The following GLRA2 variants were observed in gnomAD, a reference collection of about 807,000 sequenced individuals.
GLRA2 encodes glycine receptor alpha 2.
GLRA2 carries 11 observed loss-of-function variants against 31.6 expected under a neutral mutation model. The observed-to-expected ratio is 0.35, with a 90% CI of 0.22 to 0.58. The LOEUF (loss-of-function observed/expected upper bound fraction) is 0.58. GLRA2 is among the 20% of genes least tolerant of loss of function. GLRA2 has a pLI of 0.84. For missense variants in GLRA2, 212 were observed against 351.8 expected (o/e 0.60, Z 3.18); for synonymous variants, 132 against 134.0 (o/e 0.99, Z 0.10).
chrX:14,680,345 G>C lies in GLRA2; in HGVS notation c.931-10365G>C, dbSNP rs181389329. On this transcript the variant is annotated intron_variant, in intron 7 of 8. Transcript: ENST00000218075. ...GCCTTCAATGTAGTATGCTCTCAAT[G>C]TTTGTTTTTGTTTTTCTGAATTAAA... Among the ~76,000 whole-genome samples the C allele has an allele frequency of 3.6e-5, 3 of 83,431 alleles. No homozygotes were observed. In the East Asian group the frequency reaches 9.0e-4, roughly 25 times the overall value. 72.4% of individuals were successfully genotyped at this position (83,431 alleles called of 115,157 possible).
intron 7 of GLRA2, among the ~76,000 whole-genome samples, chrX:14,687,119 G>A (rs181675938): frequency 4.5e-5 from 5 of 112,201 alleles, no homozygotes; most frequent in African/African-American, 1.6e-4. Flanking sequence ...TTTAAGAATA[G>A]TGAATATTTT....
At chrX:14,459,607 T>C in the GLRA2 span, among the ~76,000 whole-genome samples, 3 of 111,642 alleles carry the variant, frequency 2.7e-5, no homozygotes, top group Non-Finnish European at 5.6e-5. Flanking sequence ...TAAGTTGGAT[T>C]CCTAGGTATT....
chrX:14,500,700 G>A, the GLRA2 span, among the ~76,000 whole-genome samples: 1 of 111,815 alleles, frequency 8.9e-6, no homozygotes, highest in Non-Finnish European at 1.9e-5. Flanking sequence ...AGGGAAGGGT[G>A]TCACAGATGT....
chrX:14,690,698 T>C lies in GLRA2; in HGVS notation c.931-12T>C. 1 of 1,132,927 alleles carries C rather than the reference T, an allele frequency of 8.8e-7. No individual in the cohort carries two copies. The highest frequency in any genetic ancestry group is 1.2e-6 in the Non-Finnish European group (1 of 824,221). The allele number at this position is 1,132,927 out of a possible 1,213,427, so 93.4% of individuals were successfully genotyped here. ...CTCTCTGTGTGTGTGTGTGTCTCTC[T>C]CTCTCTCTCAGGTCTCCTATGTAAA... is the stretch of plus-strand genomic sequence containing the variant. On this transcript the variant is annotated splice_polypyrimidine_tract_variant and intron_variant, in intron 7 of 8. Coordinates refer to ENST00000218075, the MANE Select transcript of GLRA2 (RefSeq NM_002063.4).
At chrX:14,462,868 T>C in the GLRA2 span, among the ~76,000 whole-genome samples, 1 of 111,850 alleles carries the variant, frequency 8.9e-6, no homozygotes, top group Non-Finnish European at 1.9e-5. Flanking sequence ...AGTCATTCTC[T>C]GTCCAGTTTT....
At position 14,690,705 on chromosome X, in the gene GLRA2, C is replaced by T. The variant is rs1456586421; in HGVS notation, c.931-5C>T. 2 of 1,153,949 alleles carry T rather than the reference C, an allele frequency of 1.7e-6. No individual in the cohort carries two copies. The highest frequency in any genetic ancestry group is 1.8e-5 in the African/African-American group (1 of 56,593). On this transcript the variant is annotated splice_region_variant and splice_polypyrimidine_tract_variant and intron_variant, in intron 7 of 8. Coordinates refer to ENST00000218075, the MANE Select transcript of GLRA2 (RefSeq NM_002063.4). ...TGTGTGTGTGTGTCTCTCTCTCTCT[C>T]TCAGGTCTCCTATGTAAAAGCGATT...
chrX:14,654,247 C>G (rs979813075), intron 7 of GLRA2, among the ~76,000 whole-genome samples: 1 of 111,869 alleles, frequency 8.9e-6, no homozygotes, highest in Non-Finnish European at 1.9e-5. Flanking sequence ...CACCCTCTAC[C>G]AGCAAAAAGA....
At chrX:14,580,321 C>T (rs1403845755) in intron 3 of GLRA2, among the ~76,000 whole-genome samples, 2 of 112,536 alleles carry the variant, frequency 1.8e-5, no homozygotes, top group African/African-American at 6.5e-5. Flanking sequence ...TAACTACTAG[C>T]TCTGAAACCA....
intron 7 of GLRA2, among the ~76,000 whole-genome samples, chrX:14,662,387 A>G (rs1321211808): frequency 9.0e-6 from 1 of 111,667 alleles, no homozygotes; most frequent in Non-Finnish European, 1.9e-5. Flanking sequence ...ATTTTTTTAC[A>G]TTAATTTCAG....
intron 2 of GLRA2, among the ~76,000 whole-genome samples, chrX:14,532,635 C>T (rs1290319458): frequency 2.7e-5 from 3 of 111,163 alleles, no homozygotes; most frequent in Non-Finnish European, 1.9e-5. Context: ...CTTATTTTTT[C>T]GTAAGTGGGA....
chrX:14,625,978 C>T lies in GLRA2; in HGVS notation c.930+16773C>T, dbSNP rs750177624. Among the ~76,000 whole-genome samples, 228 of 111,933 alleles carry T rather than the reference C, an allele frequency of 2.0e-3. 1 individual carries two copies. The highest frequency in any genetic ancestry group is 7.1e-3 in the African/African-American group (218 of 30,876). On this transcript the variant is annotated intron_variant, in intron 7 of 8. Transcript: ENST00000218075. ...TAGACCTTAAACTAGAGCTAGATCT[C>T]GAACCCAGGCAGTCTGGCTCCAAGT...
intron 8 of GLRA2, among the ~76,000 whole-genome samples, chrX:14,708,453 T>C (rs1333405079): frequency 9.0e-6 from 1 of 111,201 alleles, no homozygotes; most frequent in Non-Finnish European, 1.9e-5. Flanking sequence ...ACTAACTATA[T>C]TGCACCTCAC....
At chrX:14,594,245 G>A (rs988698129) in intron 4 of GLRA2, among the ~76,000 whole-genome samples, 1 of 111,173 alleles carries the variant, frequency 9.0e-6, no homozygotes, top group Non-Finnish European at 1.9e-5. Flanking sequence ...ATGCTTACAC[G>A]TGTTCTCTTC....
chrX:14,505,124 G>A, the GLRA2 span, among the ~76,000 whole-genome samples: 1 of 112,144 alleles, frequency 8.9e-6, no homozygotes, highest in Non-Finnish European at 1.9e-5. Context: ...GAAGTAAGCA[G>A]GTAGAATGTG....
the GLRA2 span, among the ~76,000 whole-genome samples, chrX:14,499,865 T>A: frequency 2.7e-5 from 3 of 110,451 alleles, no homozygotes; most frequent in Non-Finnish European, 5.7e-5. Flanking sequence ...AAAAATGGAT[T>A]TTTTTTTAAA....
At chrX:14,712,055 GCCATCTAGCTTT>G (rs1233473592) in intron 8 of GLRA2, among the ~76,000 whole-genome samples, 2 of 112,787 alleles carry the variant, frequency 1.8e-5, no homozygotes, top group Non-Finnish European at 3.8e-5. Flanking sequence ...AGAAAAAAAT[GCCATCTAGCTTT>G]CCTTCAATTG....
rs750720132 is a variant in GLRA2, at chrX:14,618,602, G to A, written c.930+9397G>A. The stretch of plus-strand genomic sequence containing the variant: ...TGCTACTTAAAATACCCATTTATTA[G>A]CTTGTAATTCTGTAAGTCAAAAGCC... On this transcript the variant is annotated intron_variant, in intron 7 of 8. Transcript: ENST00000218075. Among the ~76,000 whole-genome samples the A allele has an allele frequency of 2.7e-5, 3 of 111,961 alleles. No homozygotes were observed. In the East Asian group the frequency reaches 8.4e-4, roughly 31 times the overall value.
chrX:14,673,263 G>A (rs192960607), intron 7 of GLRA2, among the ~76,000 whole-genome samples: 9 of 111,164 alleles, frequency 8.1e-5, no homozygotes, highest in African/African-American at 3.0e-4. Context: ...CAAGATTCTA[G>A]GTATTCTGAG....
At position 14,696,796 on chromosome X, in the gene GLRA2, C is replaced by T. The variant is rs775648386; in HGVS notation, c.1080+5937C>T. Among the ~76,000 whole-genome samples, 3 of 111,822 alleles carry T rather than the reference C, an allele frequency of 2.7e-5. No homozygotes were observed. In the South Asian group the frequency reaches 1.1e-3, roughly 42 times the overall value. On this transcript the variant is annotated intron_variant, in intron 8 of 8. Coordinates refer to ENST00000218075, the MANE Select transcript of GLRA2 (RefSeq NM_002063.4). ...AGATTAAAAGATGTTTTAGAGATGC[C>T]AGTTGGCAGTTACAATCCCTGCTAT...
Sources: gnomAD v4.1 joint callset for allele counts (sites outside exome capture counted in the v4.1 genomes callset) on GRCh38, gnomAD v4.1.1 for gene constraint, MANE v1.5 for transcripts, NCBI Gene and HGNC (gene_info 2026-07-23, HGNC 2026-07-21) for gene names.